DYM: variants seen among roughly 807,000 people sequenced by gnomAD.
The protein encoded by DYM is dyggve-Melchior-Clausen syndrome protein.
DYM carries 78 observed loss-of-function variants against 93.1 expected under a neutral mutation model. That is an observed-to-expected ratio of 0.84 (90% CI 0.70 to 1.01). DYM has a LOEUF of 1.01. Among genes scored for constraint, DYM ranks in the 50% least tolerant of loss-of-function variants. DYM has a pLI of 0.00. For missense variants in DYM, 789 were observed against 845.0 expected (o/e 0.93, Z 0.82); for synonymous variants, 321 against 319.7 (o/e 1.00, Z -0.04).
intron 1 of DYM, among the ~76,000 whole-genome samples, chr18:49,439,121 C>A (rs1011472776): frequency 6.6e-6 from 1 of 152,164 alleles, no homozygotes. Context: ...TCCTTCTAGA[C>A]CCAACCTCTG....
intron 14 of DYM, among the ~76,000 whole-genome samples, chr18:49,199,542 T>C (rs943733595): frequency 3.3e-5 from 5 of 152,230 alleles, no homozygotes; most frequent in African/African-American, 1.2e-4. Context: ...AAGTAATGAA[T>C]ATGTAATTCA....
rs145142565 is a variant in DYM at position 49,227,205 on chromosome 18, C to T, written c.1461-17490G>A. ...TTGTACAAACTGCCTCTTGGCAAAA[C>T]GATTTATAGCCATTATAAAATTCTT... On this transcript the variant is annotated intron_variant, in intron 13 of 17. Coordinates refer to ENST00000675505, the MANE Select transcript of DYM (RefSeq NM_001353214.3). Among the ~76,000 whole-genome samples, 43 of 152,234 alleles carry T rather than the reference C, an allele frequency of 2.8e-4. No individual in the cohort carries two copies. In the East Asian group the frequency reaches 6.0e-3, roughly 21 times the overall value.
rs12959320 is a variant in DYM at position 49,326,758 on chromosome 18, G to A, written c.763+5106C>T. Among the ~76,000 whole-genome samples the A allele has an allele frequency of 3.8e-3, 571 of 152,066 alleles. 1 individual carries two copies. Among genetic ancestry groups the A allele is most frequent in the Non-Finnish European group, 6.1e-3 (417 of 67,978 alleles). On this transcript the variant is annotated intron_variant, in intron 8 of 17. Coordinates refer to ENST00000675505, the MANE Select transcript of DYM (RefSeq NM_001353214.3). ...TCAACTTAAGTGAAATACAAATAAC[G>A]CTATACTCAATAAAGGAGACTTTAA...
chr18:49,142,933 G>T (rs1568486636), intron 15 of DYM, among the ~76,000 whole-genome samples: 5 of 152,080 alleles, frequency 3.3e-5, no homozygotes, highest in African/African-American at 1.2e-4. Flanking sequence ...ATATTCTAAA[G>T]CCCGTAATTA....
intron 6 of DYM, among the ~76,000 whole-genome samples, chr18:49,359,408 AAT>A (rs1433889750): frequency 6.6e-6 from 1 of 152,212 alleles, no homozygotes; most frequent in Admixed American, 6.5e-5. Flanking sequence ...TCCGTGAATT[AAT>A]ATTTTATCAA....
At position 49,103,773 on chromosome 18, in the gene DYM, C is replaced by G. The variant is rs529899553; in HGVS notation, c.1912-6258G>C. 9.2e-5 allele frequency among the ~76,000 whole-genome samples: 14 copies of G among 152,210 alleles called. No homozygotes were observed. The South Asian group carries it at 2.3e-3, about 25-fold the overall frequency. On this transcript the variant is annotated intron_variant, in intron 16 of 17. Coordinates refer to ENST00000675505, the MANE Select transcript of DYM (RefSeq NM_001353214.3). ...TCTGTTCTGTTCCATTGGTCTATGT[C>G]TCTGTTTTGGTACCAGTACCATGCT...
chr18:49,237,916 T>A (rs78323116), intron 13 of DYM, among the ~76,000 whole-genome samples: 1 of 152,032 alleles, frequency 6.6e-6, no homozygotes, highest in Non-Finnish European at 1.5e-5. Context: ...TTTTTTTTTT[T>A]ACAGCTGCAC....
chr18:49,336,043 T>TG (rs925557774), intron 6 of DYM, among the ~76,000 whole-genome samples: 8 of 152,148 alleles, frequency 5.3e-5, no homozygotes, highest in African/African-American at 1.9e-4. Flanking sequence ...GGAACTCCTG[T>TG]GCTCAAGTGA....
At chr18:49,309,683 A>G (rs2061476020) in intron 8 of DYM, among the ~76,000 whole-genome samples, 1 of 152,262 alleles carries the variant, frequency 6.6e-6, no homozygotes, top group Admixed American at 6.5e-5. Context: ...TATAAACCAT[A>G]GATATATAAA....
chr18:49,317,081 T>C (rs1279892191), intron 8 of DYM, among the ~76,000 whole-genome samples: 1 of 152,200 alleles, frequency 6.6e-6, no homozygotes, highest in African/African-American at 2.4e-5. Flanking sequence ...TGTATCAATA[T>C]TGGCTTGTCA....
chr18:49,383,068 C>T (rs1023249097), intron 3 of DYM, among the ~76,000 whole-genome samples: 1 of 152,098 alleles, frequency 6.6e-6, no homozygotes, highest in Admixed American at 6.6e-5. Flanking sequence ...TTGTGGGAAA[C>T]TCCACCACCC....
chr18:49,355,525 C>T (rs1490195418), intron 6 of DYM, among the ~76,000 whole-genome samples: 4 of 150,452 alleles, frequency 2.7e-5, no homozygotes, highest in African/African-American at 2.4e-5. Flanking sequence ...TTTGTCTAAT[C>T]CCATAGAAGA....
intron 6 of DYM, among the ~76,000 whole-genome samples, chr18:49,345,165 C>A (rs2064474561): frequency 1.3e-5 from 2 of 152,096 alleles, no homozygotes; most frequent in African/African-American, 4.8e-5. Flanking sequence ...CTACCCTTTG[C>A]ATGTGCTTCA....
At chr18:49,366,257 A>G (rs2066509301) in intron 5 of DYM, among the ~76,000 whole-genome samples, 1 of 152,216 alleles carries the variant, frequency 6.6e-6, no homozygotes, top group Non-Finnish European at 1.5e-5. Flanking sequence ...GCTTTCTTAT[A>G]AGGCCAAATA....
intron 14 of DYM, among the ~76,000 whole-genome samples, chr18:49,186,912 A>G (rs1025042819): frequency 1.1e-4 from 16 of 145,790 alleles, no homozygotes; most frequent in African/African-American, 4.0e-4. Flanking sequence ...CTGCCGGTAC[A>G]CAATCTTCTT....
chr18:49,360,883 C>T (rs996334182), intron 6 of DYM, among the ~76,000 whole-genome samples: 3 of 152,160 alleles, frequency 2.0e-5, no homozygotes, highest in Admixed American at 1.3e-4. Context: ...TCCCATGCTC[C>T]CAGGACACTA....
intron 6 of DYM, among the ~76,000 whole-genome samples, chr18:49,355,289 A>C (rs1190092105): frequency 1.3e-5 from 2 of 152,032 alleles, no homozygotes; most frequent in African/African-American, 4.8e-5. Flanking sequence ...ATAGATATGC[A>C]TTGATATCTA....
intron 2 of DYM, among the ~76,000 whole-genome samples, chr18:49,399,783 C>A (rs1042649981): frequency 6.6e-6 from 1 of 152,098 alleles, no homozygotes; most frequent in Non-Finnish European, 1.5e-5. Flanking sequence ...CACTGTCAGA[C>A]ACCACTCAGA....
At chr18:49,326,012 G>A (rs2062850909) in intron 8 of DYM, among the ~76,000 whole-genome samples, 1 of 152,228 alleles carries the variant, frequency 6.6e-6, no homozygotes, top group Non-Finnish European at 1.5e-5. Flanking sequence ...CTGGAAAGGA[G>A]GATGCATTCA....
Sources: allele counts gnomAD v4.1 joint callset (sites outside exome capture counted in the v4.1 genomes callset), GRCh38; gene constraint gnomAD v4.1.1; transcripts MANE v1.5; gene names NCBI Gene and HGNC (gene_info 2026-07-23, HGNC 2026-07-21).